The following VWA3A variants were observed in gnomAD, a reference collection of about 807,000 sequenced individuals.
VWA3A encodes von Willebrand factor A domain-containing protein 3A.
In VWA3A, 134 loss-of-function variants were observed where a neutral mutation model predicts 160.4. The ratio of observed to expected loss-of-function variants is 0.84; its 90% CI spans 0.73 to 0.96. The LOEUF (loss-of-function observed/expected upper bound fraction) is 0.96, where lower values mean the gene tolerates loss of function less well. Ranked by LOEUF, VWA3A falls within the 40% of genes least tolerant of loss-of-function variation. The pLI, the probability that VWA3A is intolerant of heterozygous loss-of-function variation, is 0.00. For missense variants in VWA3A, 1,310 were observed against 1,447.9 expected, an observed-to-expected ratio of 0.90 and a Z score of 1.55; for synonymous variants, 476 against 543.4, an observed-to-expected ratio of 0.88 and a Z score of 1.72.
chr16:22,096,753 A>AG (rs1267256893), intron 1 of VWA3A, 106 bp from the exon 2 acceptor site: 1 of 782,646 alleles, frequency 1.3e-6, no homozygotes. Context: ...TCAAAAAAAA[A>AG]TTAAACATGT....
intron 20 of VWA3A, 100 bp from the exon 21 acceptor site, chr16:22,134,268 T>C: frequency 1.0e-6 from 1 of 959,160 alleles, no homozygotes; most frequent in Non-Finnish European, 1.5e-6. Flanking sequence ...TTCCCAGCCC[T>C]CAAGTCACCT....
rs1386555175 is a variant in VWA3A at position 22,100,498 on chromosome 16, G to A, written c.428+5G>A. The A allele has an allele frequency of 3.2e-6, 5 of 1,550,914 alleles. No homozygotes were observed. The highest frequency in any genetic ancestry group is 2.7e-5 in the African/African-American group (2 of 72,976). ...TTTTGAGTCAAAGCTTTCTGAGTAA[G>A]TATGTTTCTCACTGTCCTCCCAACA... is the stretch of plus-strand genomic sequence containing the variant. On this transcript the variant is annotated splice_donor_5th_base_variant and intron_variant, in intron 5 of 33. Coordinates refer to ENST00000389398, the MANE Select transcript of VWA3A (RefSeq NM_173615.5).
chr16:22,093,724 T>A (rs940021966), intron 1 of VWA3A, among the ~76,000 whole-genome samples: 28 of 152,152 alleles, frequency 1.8e-4, no homozygotes, highest in Admixed American at 1.6e-3. Context: ...GTTATCCCCA[T>A]TCCATTCTAA....
intron 8 of VWA3A, among the ~76,000 whole-genome samples, chr16:22,114,716 T>G (rs1411001241): frequency 6.6e-6 from 1 of 152,040 alleles, no homozygotes; most frequent in Non-Finnish European, 1.5e-5. Flanking sequence ...TAATCCCAGC[T>G]GTCTGGGAGG....
intron 7 of VWA3A, 114 bp from the exon 8 acceptor site, chr16:22,110,774 C>G (rs2045541739): frequency 2.2e-6 from 2 of 907,162 alleles, no homozygotes; most frequent in East Asian, 5.8e-5. Context: ...CTCGAGCAGC[C>G]CTATTCAGTA....
intron 28 of VWA3A, 149 bp downstream of exon 28, chr16:22,148,455 T>G (rs1598108425): frequency 7.6e-6 from 9 of 1,179,998 alleles, no homozygotes; most frequent in African/African-American, 6.1e-5. Context: ...GAGCACTGTA[T>G]TCTGCTCTGC....
chr16:22,114,042 AAGC>A (rs1381543878), intron 8 of VWA3A, among the ~76,000 whole-genome samples: 3 of 152,170 alleles, frequency 2.0e-5, no homozygotes, highest in Non-Finnish European at 4.4e-5. Context: ...AAAAAAAAGA[AAGC>A]AGCCATATAA....
chr16:22,138,312 T>G, intron 21 of VWA3A, 48 bp from the exon 22 acceptor site: 1 of 1,541,822 alleles, frequency 6.5e-7, no homozygotes, highest in Non-Finnish European at 8.8e-7. Flanking sequence ...TGTGTGTGTG[T>G]GTCCACAGTG....
chr16:22,129,752 G>A (rs2045916516), intron 17 of VWA3A, among the ~76,000 whole-genome samples: 1 of 152,102 alleles, frequency 6.6e-6, no homozygotes, highest in South Asian at 2.1e-4. Context: ...GGCAGCACTT[G>A]GAAGACACCA....
intron 1 of VWA3A, 32 bp from the exon 2 acceptor site, chr16:22,096,827 A>G (rs1398613175): frequency 7.3e-7 from 1 of 1,366,998 alleles, no homozygotes; most frequent in East Asian, 2.5e-5. Context: ...TGCCACATTT[A>G]TCCTGTTTTC....
At chr16:22,155,701 G>T (rs768302898) in intron 32 of VWA3A, 37 bp downstream of exon 32, 1 of 1,609,040 alleles carries the variant, frequency 6.2e-7, no homozygotes, top group Non-Finnish European at 8.5e-7. Flanking sequence ...CCTGCCATGT[G>T]GCTACAGCCC....
chr16:22,094,455 G>T (rs1250179202), intron 1 of VWA3A, among the ~76,000 whole-genome samples: 1 of 151,832 alleles, frequency 6.6e-6, no homozygotes, highest in Non-Finnish European at 1.5e-5. Context: ...TTAATTTAAT[G>T]ATTTCACAAG....
chr16:22,136,385 G>C (rs768108677), intron 21 of VWA3A, among the ~76,000 whole-genome samples: 1 of 152,158 alleles, frequency 6.6e-6, no homozygotes, highest in Non-Finnish European at 1.5e-5. Flanking sequence ...GCGGGTCTGG[G>C]ACAAGGGTGA....
At chr16:22,147,986 C>T (rs930587799) in intron 27 of VWA3A, among the ~76,000 whole-genome samples, 176 bp from the exon 28 acceptor site, 21 of 152,216 alleles carry the variant, frequency 1.4e-4, no homozygotes, top group African/African-American at 4.8e-4. Context: ...CTTGGACAAT[C>T]GACCCCTCCC....
At chr16:22,139,088 G>T (rs1463658765) in intron 22 of VWA3A, among the ~76,000 whole-genome samples, 1 of 152,116 alleles carries the variant, frequency 6.6e-6, no homozygotes, top group East Asian at 1.9e-4. Context: ...AGCATTGCAT[G>T]ACTCAGACCC....
At chr16:22,121,466 C>G in intron 13 of VWA3A, 48 bp from the exon 14 acceptor site, 1 of 1,463,366 alleles carries the variant, frequency 6.8e-7, no homozygotes, top group Non-Finnish European at 9.6e-7. Context: ...GGCTTGAACC[C>G]TTTGGAGCTT....
rs2046085790 is a variant in VWA3A at position 22,138,518 on chromosome 16, ACTCCC to A, written c.2292+11_2292+15del. The A allele has an allele frequency of 6.2e-7, 1 of 1,613,108 alleles. No individual in the cohort carries two copies. Among genetic ancestry groups the A allele is most frequent in the African/African-American group, 1.3e-5 (1 of 74,730 alleles). On this transcript the variant is annotated splice_region_variant and intron_variant, in intron 22 of 33. Coordinates refer to ENST00000389398, the MANE Select transcript of VWA3A (RefSeq NM_173615.5). ...TCCCCCTGGGGGCCAGAATGGTTTG[ACTCCC>A]CTCCTAATAACACGCAGAAGATTTG...
At chr16:22,102,841 CAG>C (rs2045426696) in intron 5 of VWA3A, among the ~76,000 whole-genome samples, 1 of 152,130 alleles carries the variant, frequency 6.6e-6, no homozygotes, top group African/African-American at 2.4e-5. Flanking sequence ...CCTCACCGGG[CAG>C]AGTGAGCACA....
chr16:22,126,382 G>C (rs368880612), intron 17 of VWA3A, 85 bp downstream of exon 17: 28 of 1,531,832 alleles, frequency 1.8e-5, no homozygotes, highest in East Asian at 6.9e-5. Flanking sequence ...GACGTTGCTG[G>C]ACGATAGATA....
Sources: allele counts gnomAD v4.1 joint callset (sites outside exome capture counted in the v4.1 genomes callset), GRCh38; gene constraint gnomAD v4.1.1; transcripts MANE v1.5; gene names NCBI Gene and HGNC (gene_info 2026-07-23, HGNC 2026-07-21).